The following ADD3 variants were observed in gnomAD, a reference collection of about 807,000 sequenced individuals.
The protein encoded by ADD3 is adducin 3.
A neutral mutation model predicts 80.2 loss-of-function variants in ADD3; 25 were observed. That is an observed-to-expected ratio of 0.31 (90% CI 0.23 to 0.44). The LOEUF is 0.44. ADD3 is among the 20% of genes least tolerant of loss of function. The pLI, the probability that ADD3 is intolerant of heterozygous loss-of-function variation, is 1.00. For synonymous variants in ADD3, 284 were observed against 289.6 expected (o/e 0.98, Z 0.20); for missense variants, 829 against 847.5 (o/e 0.98, Z 0.27).
Position 110,093,359 on chromosome 10 carries a change from T to G in ADD3, c.-29-7266T>G, listed in dbSNP as rs150172019. 8.5e-3 allele frequency among the ~76,000 whole-genome samples: 1,289 copies of G among 152,364 alleles called. 10 individuals carry two copies. The highest frequency in any genetic ancestry group is 0.034 in the Middle Eastern group (10 of 294). ...GTTGGTGTATTATACTTGTCTTAAC[T>G]CTTTAGGTCCCAACAGGATATTTTT... On this transcript the variant is annotated intron_variant, in intron 1 of 14. Transcript: ENST00000356080.
At chr10:110,018,526 CAA>C (rs59949041) in intron 1 of ADD3, among the ~76,000 whole-genome samples, 71 of 49,538 alleles carry the variant, frequency 1.4e-3, no homozygotes, top group African/African-American at 3.2e-3. Flanking sequence ...GACTTTGTCT[CAA>C]AAAAAAAAAA....
chr10:110,102,206 T>G (rs1466995318), intron 2 of ADD3, among the ~76,000 whole-genome samples: 1 of 152,154 alleles, frequency 6.6e-6, no homozygotes, highest in Non-Finnish European at 1.5e-5. Context: ...GTGCCTTACT[T>G]TATGCAAACT....
rs919645489 is a variant in ADD3 at position 110,079,149 on chromosome 10, T to C, written c.-29-21476T>C. 2.6e-5 allele frequency: 4 copies of C among 152,156 alleles called. 1 individual carries two copies. In the South Asian group the frequency reaches 6.2e-4, roughly 24 times the overall value. The allele number at this position is 152,156 out of a possible 1,614,324, so 9.4% of individuals were successfully genotyped here. On this transcript the variant is annotated intron_variant, in intron 1 of 14. Coordinates refer to ENST00000356080, the MANE Select transcript of ADD3 (RefSeq NM_016824.5). ...TGACATGAAAAGCATTGAGAAGGCT[T>C]TTCTAGAGAACTAGATATAATGTGT...
At chr10:110,078,418 T>C (rs187751076) in intron 1 of ADD3, among the ~76,000 whole-genome samples, 3 of 152,358 alleles carry the variant, frequency 2.0e-5, no homozygotes, top group East Asian at 3.9e-4. Flanking sequence ...GTAATTCTTA[T>C]AAGTGACATG....
At chr10:110,038,391 T>C (rs374633077) in intron 1 of ADD3, among the ~76,000 whole-genome samples, 1 of 152,184 alleles carries the variant, frequency 6.6e-6, no homozygotes, top group African/African-American at 2.4e-5. Flanking sequence ...GAAGAATCCA[T>C]AGTAGGTTTT....
intron 1 of ADD3, among the ~76,000 whole-genome samples, chr10:110,029,444 A>C (rs1854725109): frequency 6.6e-6 from 1 of 152,242 alleles, no homozygotes; most frequent in African/African-American, 2.4e-5. Context: ...TTAGCTGTAT[A>C]ACAATGTGTT....
At chr10:110,027,181 A>G (rs1854414466) in intron 1 of ADD3, among the ~76,000 whole-genome samples, 1 of 152,226 alleles carries the variant, frequency 6.6e-6, no homozygotes, top group African/African-American at 2.4e-5. Flanking sequence ...TTTGTTTGCC[A>G]TTTCTGATGA....
At chr10:110,082,732 T>C (rs544172975) in intron 1 of ADD3, among the ~76,000 whole-genome samples, 6 of 152,174 alleles carry the variant, frequency 3.9e-5, no homozygotes, top group Admixed American at 2.6e-4. Context: ...TAAATATAGA[T>C]TTTTAGAAAT....
chr10:110,035,223 G>T (rs1327880111), intron 1 of ADD3, among the ~76,000 whole-genome samples: 2 of 152,176 alleles, frequency 1.3e-5, no homozygotes, highest in Non-Finnish European at 2.9e-5. Flanking sequence ...GATGGTACAA[G>T]ATCTGTAAGG....
intron 1 of ADD3, among the ~76,000 whole-genome samples, chr10:110,089,897 G>A (rs1161962194): frequency 1.3e-5 from 2 of 152,028 alleles, no homozygotes; most frequent in African/African-American, 2.4e-5. Flanking sequence ...CCTGCCCCTT[G>A]TATGGCCATT....
chr10:110,031,536 T>G (rs1855025040), intron 1 of ADD3, among the ~76,000 whole-genome samples: 1 of 152,204 alleles, frequency 6.6e-6, no homozygotes, highest in Admixed American at 6.5e-5. Flanking sequence ...TGTATTATAC[T>G]CCCCTATGTT....
intron 1 of ADD3, among the ~76,000 whole-genome samples, chr10:110,075,214 A>G (rs1056555445): frequency 8.5e-5 from 13 of 152,202 alleles, no homozygotes; most frequent in African/African-American, 2.4e-4. Context: ...CAGAGTGTCT[A>G]TTCTTGATAC....
chr10:110,075,234 T>TG, intron 1 of ADD3, among the ~76,000 whole-genome samples: 1 of 152,208 alleles, frequency 6.6e-6, no homozygotes, highest in Non-Finnish European at 1.5e-5. Context: ...CTAAATCTGA[T>TG]ATCATTGGCA....
At chr10:110,069,201 T>C (rs1246889581) in intron 1 of ADD3, among the ~76,000 whole-genome samples, 1 of 152,238 alleles carries the variant, frequency 6.6e-6, no homozygotes, top group Non-Finnish European at 1.5e-5. Flanking sequence ...AATTTTTCCA[T>C]TTTAAAGGAT....
intron 1 of ADD3, among the ~76,000 whole-genome samples, chr10:110,063,321 G>A (rs192786089): frequency 2.0e-5 from 3 of 152,250 alleles, no homozygotes; most frequent in African/African-American, 4.8e-5. Context: ...TATTGTTGAG[G>A]TGGAGAAGCG....
At chr10:110,113,347 A>C (rs1322859435) in intron 3 of ADD3, among the ~76,000 whole-genome samples, 1 of 152,138 alleles carries the variant, frequency 6.6e-6, no homozygotes, top group Non-Finnish European at 1.5e-5. Flanking sequence ...GGCTCACTGC[A>C]ACCTCCACCT....
chr10:110,035,915 G>A (rs1855583653), intron 1 of ADD3, among the ~76,000 whole-genome samples: 1 of 152,132 alleles, frequency 6.6e-6, no homozygotes, highest in African/African-American at 2.4e-5. Context: ...ACTTTGGGAG[G>A]CTGAAGCGGC....
At chr10:110,002,365 C>A (rs1012529770), upstream of ADD3, among the ~76,000 whole-genome samples, 10 of 152,082 alleles carry the variant, frequency 6.6e-5, no homozygotes, top group African/African-American at 2.4e-4. Flanking sequence ...GCTCTGCCTC[C>A]CGGGTTCACG....
At chr10:110,061,642 G>A (rs952427406) in intron 1 of ADD3, among the ~76,000 whole-genome samples, 3 of 152,070 alleles carry the variant, frequency 2.0e-5, no homozygotes, top group African/African-American at 7.2e-5. Flanking sequence ...CTAATTAAGG[G>A]TTAACTATTT....
Sources: gnomAD v4.1 joint callset for allele counts (sites outside exome capture counted in the v4.1 genomes callset) on GRCh38, gnomAD v4.1.1 for gene constraint, MANE v1.5 for transcripts, NCBI Gene and HGNC (gene_info 2026-07-23, HGNC 2026-07-21) for gene names.